Variants in IL2RA observed in about 807,000 individuals in gnomAD.
IL2RA encodes interleukin-2 receptor subunit alpha.
Under a neutral mutation model 37.8 loss-of-function variants are expected in IL2RA, and 24 were observed. The observed-to-expected ratio is 0.63, with a 90% CI of 0.46 to 0.89. The LOEUF is 0.89. Among genes scored for constraint, IL2RA ranks in the 40% least tolerant of loss-of-function variants. IL2RA has a pLI of 0.00. For missense variants in IL2RA, 319 were observed against 348.6 expected (o/e 0.92, Z 0.68); for synonymous variants, 125 against 114.6 (o/e 1.09, Z -0.58).
intron 1 of IL2RA, among the ~76,000 whole-genome samples, chr10:6,050,818 G>C (rs1249004625): frequency 6.6e-6 from 1 of 152,190 alleles, no homozygotes; most frequent in Non-Finnish European, 1.5e-5. Context: ...GGGTGCCCTG[G>C]CTACAGGTCC....
rs538940911 is a variant in IL2RA, at chr10:6,018,661, G to A, written c.728-542C>T. Among the ~76,000 whole-genome samples the A allele has an allele frequency of 1.3e-5, 2 of 152,280 alleles. No individual in the cohort carries two copies. The highest frequency in any genetic ancestry group is 4.8e-5 in the African/African-American group (2 of 41,556). On this transcript the variant is annotated intron_variant, in intron 6 of 7. Transcript: ENST00000379959. This position sits in a 1 kb window ranked among gnomAD's most constrained non-coding sequence, Gnocchi z 5.1. ...TTCCTCCCACTCTTGACCCCTGGCA[G>A]AGGCCCGGGGTACAGCCCTTCCAGA...
chr10:6,055,180 G>C (rs533305541), intron 1 of IL2RA, among the ~76,000 whole-genome samples: 3 of 152,316 alleles, frequency 2.0e-5, no homozygotes, highest in South Asian at 4.1e-4. Flanking sequence ...TTTGCTCCGT[G>C]ACAAGATCCC....
At position 6,020,046 on chromosome 10, in the gene IL2RA, G is replaced by A; in HGVS notation, c.584-105C>T. 1.1e-6 allele frequency: 1 copy of A among 934,892 alleles called. No individual in the cohort carries two copies. The highest frequency in any genetic ancestry group is 1.7e-6 in the Non-Finnish European group (1 of 573,374). The allele number at this position is 934,892 out of a possible 1,614,324, so 57.9% of individuals were successfully genotyped here. On this transcript the variant is annotated intron_variant, in intron 4 of 7. Transcript: ENST00000379959. This position sits in a 1 kb window ranked among gnomAD's most constrained non-coding sequence, Gnocchi z 5.6. ...GCCGGCCCCAGACACGCCCGAGGAG[G>A]CAGGAATCCTGGTGTGGGCACTTCG...
chr10:6,037,626 T>C lies in IL2RA; in HGVS notation c.65-11601A>G, dbSNP rs781176497. On this transcript the variant is annotated intron_variant, in intron 1 of 7. Transcript: ENST00000379959. ...ACTGGGTAAAGAGGGATCTGGTTCT[T>C]GCTCTAACGCGGTTCATCTTCTGTG... is the stretch of plus-strand genomic sequence containing the variant. 5.5e-4 allele frequency among the ~76,000 whole-genome samples: 84 copies of C among 152,332 alleles called. 1 individual carries two copies. The highest frequency in any genetic ancestry group is 7.2e-4 in the Non-Finnish European group (49 of 68,026).
chr10:6,031,510 A>ACAAG (rs1564546061), intron 1 of IL2RA, among the ~76,000 whole-genome samples: 1 of 70,226 alleles, frequency 1.4e-5, no homozygotes, highest in East Asian at 4.6e-4. Context: ...ATATATATAT[A>ACAAG]TGTATATATA....
At chr10:6,037,428 C>T (rs1347509671) in intron 1 of IL2RA, among the ~76,000 whole-genome samples, 1 of 152,160 alleles carries the variant, frequency 6.6e-6, no homozygotes, top group Non-Finnish European at 1.5e-5. Context: ...CTTAGCCCAG[C>T]CAGCCCTGGA....
At chr10:6,023,568 T>C (rs1839424187) in intron 3 of IL2RA, among the ~76,000 whole-genome samples, 1 of 152,208 alleles carries the variant, frequency 6.6e-6, no homozygotes, top group Non-Finnish European at 1.5e-5. Context: ...ACTCCTGACC[T>C]CAAGTGATCT....
chr10:6,032,488 G>C (rs4747846), intron 1 of IL2RA, among the ~76,000 whole-genome samples: 89,137 of 151,756 alleles, frequency 0.59, 27,202 homozygotes, highest in East Asian at 0.78. Context: ...GTCAGGAGAT[G>C]GAGACCATCC....
rs990309489 is a variant in IL2RA, at chr10:6,021,238, C to T, written c.583+240G>A. ...GAGGGCTTTCCTTCTCTTCTGTCTC[C>T]AACCTTTCTCCCCACTCAGGGCACA... On this transcript the variant is annotated intron_variant, in intron 4 of 7. Transcript: ENST00000379959. This position sits in a 1 kb window ranked among gnomAD's most constrained non-coding sequence, Gnocchi z 4.9. 6.6e-6 allele frequency among the ~76,000 whole-genome samples: 1 copy of T among 152,120 alleles called. No individual in the cohort carries two copies. The highest frequency in any genetic ancestry group is 6.5e-5 in the Admixed American group (1 of 15,284).
At chr10:6,051,343 T>A (rs911088951) in intron 1 of IL2RA, among the ~76,000 whole-genome samples, 1 of 152,026 alleles carries the variant, frequency 6.6e-6, no homozygotes, top group Admixed American at 6.5e-5. Context: ...AGGAAGAGGC[T>A]GACGTCAACT....
At chr10:6,055,940 A>G (rs1840037940) in intron 1 of IL2RA, among the ~76,000 whole-genome samples, 1 of 152,190 alleles carries the variant, frequency 6.6e-6, no homozygotes, top group African/African-American at 2.4e-5. Context: ...CTGGATATAC[A>G]CTAATGTACA....
At position 6,025,781 on chromosome 10, in the gene IL2RA, T is replaced by A. The variant is rs74162094; in HGVS notation, c.256+53A>T. The stretch of plus-strand genomic sequence containing the variant: ...GAGTGAACAAAAGCTGGGCTCTGTC[T>A]CACTCTTTGCTGCAGTTCTTTTGTT... On this transcript the variant is annotated intron_variant, in intron 2 of 7. Transcript: ENST00000379959. This position sits in a 1 kb window ranked among gnomAD's most constrained non-coding sequence, Gnocchi z 4.4. The A allele has an allele frequency of 7.1e-5, 111 of 1,559,082 alleles. No homozygotes were observed. Among genetic ancestry groups the A allele is most frequent in the Non-Finnish European group, 8.9e-5 (101 of 1,130,520 alleles).
At chr10:6,038,341 T>C (rs949060395) in intron 1 of IL2RA, among the ~76,000 whole-genome samples, 4 of 152,244 alleles carry the variant, frequency 2.6e-5, no homozygotes, top group African/African-American at 9.6e-5. Context: ...GTTCAGATTA[T>C]TATCTTTGAA....
In IL2RA at chr10:6,020,955, G is replaced by A. The variant is rs887332303; in HGVS notation, c.583+523C>T. On this transcript the variant is annotated intron_variant, in intron 4 of 7. Transcript: ENST00000379959. The surrounding 1 kb of genome is among the most constrained non-coding windows in gnomAD (Gnocchi z 5.6). ...TATGTGTGTGTGTGTGTGTGTGTGCGCGCATGTGCACTGAGTAAGTCCCGA... is the reference window on the plus strand; with the variant it reads ...TATGTGTGTGTGTGTGTGTGTGTGCACGCATGTGCACTGAGTAAGTCCCGA... 4.1e-5 allele frequency among the ~76,000 whole-genome samples: 6 copies of A among 146,730 alleles called. No individual in the cohort carries two copies. The South Asian group carries it at 6.5e-4, about 16-fold the overall frequency.
At chr10:6,059,453 G>A (rs760290530) in intron 1 of IL2RA, among the ~76,000 whole-genome samples, 2 of 152,150 alleles carry the variant, frequency 1.3e-5, no homozygotes, top group Non-Finnish European at 2.9e-5. Flanking sequence ...GCACATAGAA[G>A]TTACTTTATA....
intron 1 of IL2RA, among the ~76,000 whole-genome samples, chr10:6,032,556 G>A (rs1393318955): frequency 6.6e-6 from 1 of 152,104 alleles, no homozygotes; most frequent in Non-Finnish European, 1.5e-5. Context: ...AGCCGGGTGT[G>A]GTGGTGTGCG....
At chr10:6,052,950 C>G (rs546079337) in intron 1 of IL2RA, among the ~76,000 whole-genome samples, 1 of 152,138 alleles carries the variant, frequency 6.6e-6, no homozygotes, top group Non-Finnish European at 1.5e-5. Flanking sequence ...CCGGAGAACC[C>G]AGACCCCAAG....
At chr10:6,051,235 C>A (rs1329988663) in intron 1 of IL2RA, among the ~76,000 whole-genome samples, 1 of 152,074 alleles carries the variant, frequency 6.6e-6, no homozygotes, top group East Asian at 1.9e-4. Flanking sequence ...GTTTCATTGT[C>A]GGGGAAGCCA....
intron 1 of IL2RA, among the ~76,000 whole-genome samples, chr10:6,045,625 C>T (rs1214675090): frequency 6.6e-6 from 1 of 152,120 alleles, no homozygotes; most frequent in Non-Finnish European, 1.5e-5. Context: ...CTTTTTCTTT[C>T]TCTGAAATCT....
Sources: allele counts gnomAD v4.1 joint callset (sites outside exome capture counted in the v4.1 genomes callset), GRCh38; gene constraint gnomAD v4.1.1; non-coding constraint Gnocchi (gnomAD v3.1); transcripts MANE v1.5; gene names NCBI Gene and HGNC (gene_info 2026-07-23, HGNC 2026-07-21).